The following CFAP299 variants were observed in gnomAD, a reference collection of about 807,000 sequenced individuals.
CFAP299 encodes the protein cilia- and flagella-associated protein 299.
In CFAP299, 21 loss-of-function variants were observed where a neutral mutation model predicts 27.0. That is an observed-to-expected ratio of 0.78 (90% CI 0.55 to 1.12). The LOEUF (loss-of-function observed/expected upper bound fraction) is 1.12. Ranked by LOEUF, CFAP299 falls within the 50% of genes most tolerant of loss-of-function variation. CFAP299 has a pLI of 0.00. For synonymous variants in CFAP299, 104 were observed against 98.1 expected (o/e 1.06, Z -0.36); for missense variants, 310 against 276.6 (o/e 1.12, Z -0.86).
intron 2 of CFAP299, among the ~76,000 whole-genome samples, chr4:80,527,424 G>A (rs962348644): frequency 1.5e-4 from 23 of 152,072 alleles, no homozygotes; most frequent in African/African-American, 4.6e-4. Context: ...CAATGAAGAA[G>A]CAAAAGAAGA....
intron 3 of CFAP299, among the ~76,000 whole-genome samples, chr4:80,599,182 A>G (rs1453446900): frequency 6.6e-6 from 1 of 152,182 alleles, no homozygotes; most frequent in Non-Finnish European, 1.5e-5. Flanking sequence ...AAGACATACA[A>G]TGAATTATGG....
At chr4:80,786,913 G>A (rs1336018483) in intron 3 of CFAP299, among the ~76,000 whole-genome samples, 1 of 151,958 alleles carries the variant, frequency 6.6e-6, no homozygotes, top group Non-Finnish European at 1.5e-5. Flanking sequence ...TACTTTAAAT[G>A]TAATCATTCC....
At chr4:80,705,086 G>A (rs1721744090) in intron 3 of CFAP299, among the ~76,000 whole-genome samples, 1 of 151,592 alleles carries the variant, frequency 6.6e-6, no homozygotes, top group South Asian at 2.1e-4. Context: ...GTTTTGTCTT[G>A]GAAAGAAGAG....
At chr4:80,435,196 G>C (rs1728006484) in intron 2 of CFAP299, among the ~76,000 whole-genome samples, 3 of 152,142 alleles carry the variant, frequency 2.0e-5, no homozygotes, top group Admixed American at 6.5e-5. Flanking sequence ...TAGGAGATAA[G>C]CTCAATGCCC....
At chr4:80,865,924 TGGGGGGA>T (rs1732698459) in intron 3 of CFAP299, among the ~76,000 whole-genome samples, 1 of 17,694 alleles carries the variant, frequency 5.7e-5, no homozygotes, top group Non-Finnish European at 1.1e-4. Flanking sequence ...TGTTGTGGGG[TGGGGGGA>T]GGGGGGAGGT....
intron 3 of CFAP299, among the ~76,000 whole-genome samples, chr4:80,706,114 A>G (rs1258953219): frequency 6.6e-6 from 1 of 151,846 alleles, no homozygotes; most frequent in African/African-American, 2.4e-5. Context: ...ACTAGCTGCT[A>G]TGGAATGTTC....
chr4:80,558,414 A>C lies in CFAP299; in HGVS notation c.243-24679A>C, dbSNP rs1734888643. Among the ~76,000 whole-genome samples the C allele has an allele frequency of 3.3e-5, 4 of 121,982 alleles. No homozygotes were observed. In the Admixed American group the frequency reaches 3.5e-4, roughly 11 times the overall value. The allele number at this position is 121,982 out of a possible 152,430, so 80.0% of individuals were successfully genotyped here. On this transcript the variant is annotated intron_variant, in intron 2 of 5. Coordinates refer to ENST00000358105, the MANE Select transcript of CFAP299 (RefSeq NM_152770.3). ...TAAAGTTCTCATAGCTCTCTAGATT[A>C]TTAGTGGCAAGCAAAACCAACCAAA... is the stretch of plus-strand genomic sequence containing the variant.
intron 2 of CFAP299, among the ~76,000 whole-genome samples, chr4:80,402,526 T>C (rs1726216067): frequency 6.6e-6 from 1 of 152,206 alleles, no homozygotes; most frequent in Non-Finnish European, 1.5e-5. Flanking sequence ...CCACCATGAT[T>C]CTGAGGCCTT....
At chr4:80,843,752 AT>A (rs111878248) in intron 3 of CFAP299, among the ~76,000 whole-genome samples, 23 of 151,008 alleles carry the variant, frequency 1.5e-4, no homozygotes, top group South Asian at 2.1e-4. Flanking sequence ...TTGTTTCCTG[AT>A]TTTTTTTTAA....
At chr4:80,403,180 G>A (rs1234935171) in intron 2 of CFAP299, among the ~76,000 whole-genome samples, 3 of 152,112 alleles carry the variant, frequency 2.0e-5, no homozygotes, top group African/African-American at 7.2e-5. Context: ...GAAAAAACCG[G>A]AACTCTGACT....
At chr4:80,844,897 G>A (rs1215248001) in intron 3 of CFAP299, among the ~76,000 whole-genome samples, 2 of 152,072 alleles carry the variant, frequency 1.3e-5, no homozygotes, top group African/African-American at 4.8e-5. Context: ...GGTCTAACAT[G>A]TAAGCCTTTA....
chr4:80,420,011 C>A (rs938714944), intron 2 of CFAP299, among the ~76,000 whole-genome samples: 1 of 151,960 alleles, frequency 6.6e-6, no homozygotes, highest in African/African-American at 2.4e-5. Context: ...CCATGGGGTT[C>A]AGAAGCTTAT....
intron 4 of CFAP299, among the ~76,000 whole-genome samples, chr4:80,909,665 A>G (rs1735369342): frequency 6.6e-6 from 1 of 151,898 alleles, no homozygotes; most frequent in East Asian, 1.9e-4. Flanking sequence ...TTCCTTTTAT[A>G]AACTTTAAAC....
the CFAP299 span, among the ~76,000 whole-genome samples, chr4:80,324,419 G>T: frequency 2.0e-5 from 3 of 152,174 alleles, no homozygotes; most frequent in Non-Finnish European, 2.9e-5. Flanking sequence ...TAATTGGCTC[G>T]TAAAACTACA....
intron 3 of CFAP299, among the ~76,000 whole-genome samples, chr4:80,662,745 G>A (rs780739937): frequency 2.0e-5 from 3 of 152,152 alleles, no homozygotes; most frequent in Non-Finnish European, 4.4e-5. Context: ...TAGAATGTAA[G>A]TGTGAAAGAA....
At chr4:80,943,861 G>A (rs1241431273) in intron 4 of CFAP299, among the ~76,000 whole-genome samples, 5 of 152,022 alleles carry the variant, frequency 3.3e-5, no homozygotes, top group African/African-American at 1.2e-4. Context: ...GAGGTCAAAA[G>A]ATCGAGACCA....
chr4:80,885,982 A>G (rs1485554409), intron 4 of CFAP299, among the ~76,000 whole-genome samples: 1 of 152,150 alleles, frequency 6.6e-6, no homozygotes, highest in African/African-American at 2.4e-5. Context: ...ACTGCCTTGA[A>G]GGGTGAGTCC....
At chr4:80,516,895 T>C (rs1732614981) in intron 2 of CFAP299, among the ~76,000 whole-genome samples, 2 of 152,226 alleles carry the variant, frequency 1.3e-5, no homozygotes, top group Non-Finnish European at 2.9e-5. Flanking sequence ...TCTCAGTGCA[T>C]ACTCAGCTTA....
At chr4:80,885,400 G>A (rs942051465) in intron 4 of CFAP299, among the ~76,000 whole-genome samples, 60 of 152,168 alleles carry the variant, frequency 3.9e-4, no homozygotes, top group African/African-American at 1.4e-3. Flanking sequence ...TGCAGCTATG[G>A]GAATGCCTGC....
Sources: allele counts gnomAD v4.1 joint callset (sites outside exome capture counted in the v4.1 genomes callset), GRCh38; gene constraint gnomAD v4.1.1; transcripts MANE v1.5; gene names NCBI Gene and HGNC (gene_info 2026-07-23, HGNC 2026-07-21).